The following PRKAR1B variants were observed in gnomAD, a reference collection of about 807,000 sequenced individuals.
PRKAR1B encodes the protein cAMP-dependent protein kinase type I-beta regulatory subunit.
In PRKAR1B, 22 loss-of-function variants were observed where a neutral mutation model predicts 46.5. The observed-to-expected ratio is 0.47, with a 90% CI of 0.34 to 0.68. The LOEUF is 0.68. Among genes scored for constraint, PRKAR1B ranks in the 30% least tolerant of loss-of-function variants. The pLI, the probability that PRKAR1B is intolerant of heterozygous loss-of-function variation, is 0.01. For missense variants in PRKAR1B, 445 were observed against 535.6 expected (o/e 0.83, Z 1.67); for synonymous variants, 259 against 217.7 (o/e 1.19, Z -1.67).
intron 4 of PRKAR1B, among the ~76,000 whole-genome samples, chr7:675,990 G>A (rs1583401899): frequency 6.6e-6 from 1 of 151,782 alleles, no homozygotes; most frequent in Admixed American, 6.6e-5. Flanking sequence ...AACAGCCGCA[G>A]TAGGAAAACA....
chr7:582,104 C>T (rs1274515283), intron 8 of PRKAR1B, among the ~76,000 whole-genome samples: 1 of 152,250 alleles, frequency 6.6e-6, no homozygotes, highest in Non-Finnish European at 1.5e-5. Flanking sequence ...CAAAAAGCAC[C>T]TGACAAGGGC....
intron 9 of PRKAR1B, among the ~76,000 whole-genome samples, chr7:556,121 C>T (rs1778412139): frequency 6.6e-6 from 1 of 152,164 alleles, no homozygotes; most frequent in African/African-American, 2.4e-5. Context: ...CTCCCAGGCA[C>T]CCCCAGGCCA....
chr7:603,137 G>A (rs28715699), intron 6 of PRKAR1B: 17,449 of 152,232 alleles, frequency 0.11, 1,406 homozygotes, highest in African/African-American at 0.22. Context: ...GATGCAAACC[G>A]GCACCTTGAA....
rs918278359 is a variant in PRKAR1B, at chr7:569,295, G to T, written c.891+9961C>A. 2.6e-5 allele frequency among the ~76,000 whole-genome samples: 4 copies of T among 152,320 alleles called. No individual in the cohort carries two copies. In the South Asian group the frequency reaches 8.3e-4, roughly 32 times the overall value. On this transcript the variant is annotated intron_variant, in intron 9 of 10. Coordinates refer to ENST00000537384, the MANE Select transcript of PRKAR1B (RefSeq NM_001164760.2). ...ACACCTGGCCCTCTATCCACGCAGA[G>T]AACAGCCTGCCGGCCGCCCCAATTC...
chr7:726,186 T>C (rs1781263937), intron 1 of PRKAR1B, among the ~76,000 whole-genome samples: 1 of 152,172 alleles, frequency 6.6e-6, no homozygotes, highest in Non-Finnish European at 1.5e-5. Flanking sequence ...GCGAACCTAT[T>C]GGGCGGCTAC....
chr7:691,284 G>T (rs1023517551), intron 2 of PRKAR1B, among the ~76,000 whole-genome samples: 4 of 152,220 alleles, frequency 2.6e-5, no homozygotes, highest in African/African-American at 9.6e-5. Context: ...AGTGGAAATG[G>T]GTTTCCATCC....
chr7:716,168 A>G (rs1364732277), intron 1 of PRKAR1B, among the ~76,000 whole-genome samples: 1 of 151,570 alleles, frequency 6.6e-6, no homozygotes, highest in Admixed American at 6.6e-5. Flanking sequence ...CCACTTCAAC[A>G]TCCAGAGTAG....
Position 550,427 on chromosome 7 carries a change from T to C in PRKAR1B, c.*3A>G. On this transcript the variant is annotated 3_prime_UTR_variant, in exon 11 of 11. Coordinates refer to ENST00000537384, the MANE Select transcript of PRKAR1B (RefSeq NM_001164760.2). Reference sequence around the variant, plus strand: ...AGCTGGGGCTGCAGGGCGGGAGCTGTGCTCAGACGGTGAGGGAGATGAAGC... The same window carrying C: ...AGCTGGGGCTGCAGGGCGGGAGCTGCGCTCAGACGGTGAGGGAGATGAAGC... 6.3e-7 allele frequency: 1 copy of C among 1,584,658 alleles called. No individual in the cohort carries two copies. The highest frequency in any genetic ancestry group is 1.8e-5 in the Admixed American group (1 of 56,096).
intron 4 of PRKAR1B, among the ~76,000 whole-genome samples, chr7:640,591 C>T (rs1226840346): frequency 6.6e-6 from 1 of 151,990 alleles, no homozygotes; most frequent in African/African-American, 2.4e-5. Flanking sequence ...GGTGAAACCC[C>T]ATCTCTACTA....
intron 6 of PRKAR1B, 131 bp downstream of exon 6, chr7:606,062 T>A: frequency 1.2e-6 from 1 of 808,046 alleles, no homozygotes; most frequent in South Asian, 1.7e-5. Flanking sequence ...GTTGCATTTC[T>A]GGATTAAAAC....
chr7:632,397 GC>G (rs1011096209), intron 4 of PRKAR1B, among the ~76,000 whole-genome samples: 2 of 152,106 alleles, frequency 1.3e-5, no homozygotes, highest in South Asian at 4.1e-4. Flanking sequence ...CCCATCCACT[GC>G]CCCCCAACAC....
At chr7:710,859 G>A (rs1194397508) in intron 2 of PRKAR1B, among the ~76,000 whole-genome samples, 2 of 152,040 alleles carry the variant, frequency 1.3e-5, no homozygotes, top group Non-Finnish European at 2.9e-5. Flanking sequence ...GGCCAGGCTG[G>A]TCTCGAACTC....
In PRKAR1B at chr7:574,201, G is replaced by A. The variant is rs113104806; in HGVS notation, c.891+5055C>T. ...GAATAATGGGTGATTGTCTGAATCA[G>A]CCACAGCTACCCATTCTCTCAGTTT... On this transcript the variant is annotated intron_variant, in intron 9 of 10. Coordinates refer to ENST00000537384, the MANE Select transcript of PRKAR1B (RefSeq NM_001164760.2). Among the ~76,000 whole-genome samples, 411 of 152,338 alleles carry A rather than the reference G, an allele frequency of 2.7e-3. 1 individual carries two copies. The highest frequency in any genetic ancestry group is 9.6e-3 in the African/African-American group (401 of 41,580).
intron 6 of PRKAR1B, chr7:603,185 T>C (rs986159113): frequency 1.3e-5 from 2 of 152,194 alleles, no homozygotes; most frequent in African/African-American, 4.8e-5. Context: ...TTGAATGACA[T>C]GGGCAGACAC....
At chr7:645,647 A>G (rs1228494496) in intron 4 of PRKAR1B, among the ~76,000 whole-genome samples, 1 of 152,118 alleles carries the variant, frequency 6.6e-6, no homozygotes, top group Non-Finnish European at 1.5e-5. Flanking sequence ...TGTTCAGGGA[A>G]TAAAGTCTGG....
At chr7:695,964 C>CTTTT (rs766921714) in intron 2 of PRKAR1B, among the ~76,000 whole-genome samples, 9 of 102,156 alleles carry the variant, frequency 8.8e-5, no homozygotes, top group Non-Finnish European at 1.4e-4. Context: ...GCGCCCAACC[C>CTTTT]TTTTTTTTTT....
chr7:674,943 A>G (rs114107318), intron 4 of PRKAR1B, among the ~76,000 whole-genome samples: 1,675 of 152,292 alleles, frequency 0.011, 30 homozygotes, highest in African/African-American at 0.038. Flanking sequence ...ACTCCTCTGC[A>G]CAGCCCCTGC....
At chr7:617,866 C>T (rs943211926) in intron 4 of PRKAR1B, among the ~76,000 whole-genome samples, 5 of 152,192 alleles carry the variant, frequency 3.3e-5, no homozygotes, top group South Asian at 2.1e-4. Context: ...AGCCTCTATC[C>T]GGGCAAAGGG....
At chr7:715,917 G>A (rs532741941) in intron 1 of PRKAR1B, among the ~76,000 whole-genome samples, 211 of 152,152 alleles carry the variant, frequency 1.4e-3, no homozygotes, top group Non-Finnish European at 2.0e-3. Context: ...GGGTTTCACC[G>A]TGTTAGCCAG....
Sources: gnomAD v4.1 joint callset for allele counts (sites outside exome capture counted in the v4.1 genomes callset) on GRCh38, gnomAD v4.1.1 for gene constraint, MANE v1.5 for transcripts, NCBI Gene and HGNC (gene_info 2026-07-23, HGNC 2026-07-21) for gene names.